The following UIMC1 variants were observed in gnomAD, a reference collection of about 807,000 sequenced individuals.
The protein encoded by UIMC1 is BRCA1-A complex subunit RAP80.
In UIMC1, 42 loss-of-function variants were observed where a neutral mutation model predicts 84.9. The observed-to-expected ratio is 0.49, with a 90% CI of 0.39 to 0.64. UIMC1 has a LOEUF of 0.64. UIMC1 is among the 30% of genes least tolerant of loss of function. UIMC1 has a pLI of 0.00. For synonymous variants in UIMC1, 281 were observed against 293.0 expected, an observed-to-expected ratio of 0.96 and a Z score of 0.42; for missense variants, 825 against 847.6, an observed-to-expected ratio of 0.97 and a Z score of 0.33.
In UIMC1 at chr5:176,943,061, AAACAAACAG is replaced by A. The variant is rs747363858; in HGVS notation, c.1597+265_1597+273del. Among the ~76,000 whole-genome samples, 613 of 130,456 alleles carry A rather than the reference AAACAAACAG, an allele frequency of 4.7e-3. 6 individuals carry two copies. The highest frequency in any genetic ancestry group is 0.023 in the African/African-American group (587 of 25,616). 85.6% of individuals were successfully genotyped at this position (130,456 alleles called of 152,430 possible). A position where few individuals can be genotyped will look rare whatever the true frequency, so the allele number is the denominator to read the frequency against. ...TGGGTGACAGAGACTCTGGCTCAAA[AAACAAACAG>A]AACAAACAAACAAACAAAAACATTA... On this transcript the variant is annotated intron_variant, in intron 10 of 14. Transcript: ENST00000511320.
rs1253133606 is a variant in UIMC1, at chr5:176,983,574, G to A, written c.-8-951C>T. Reference sequence around the variant, plus strand: ...GGCTGGAGTGCAGTGGCATGATCTCGGCTCGCTACAACCTCCACCTCCCAG... The same window carrying A: ...GGCTGGAGTGCAGTGGCATGATCTCAGCTCGCTACAACCTCCACCTCCCAG... On this transcript the variant is annotated intron_variant, in intron 1 of 14. Transcript: ENST00000511320. 3.9e-5 allele frequency among the ~76,000 whole-genome samples: 6 copies of A among 152,106 alleles called. No individual in the cohort carries two copies. The East Asian group carries it at 7.7e-4, about 20-fold the overall frequency.
At chr5:176,986,329 C>T (rs569184070) in intron 1 of UIMC1, among the ~76,000 whole-genome samples, 8 of 134,688 alleles carry the variant, frequency 5.9e-5, no homozygotes, top group Non-Finnish European at 1.1e-4. Context: ...CACTGCACTC[C>T]GGCCTGGGTG....
intron 1 of UIMC1, among the ~76,000 whole-genome samples, chr5:177,002,791 G>A (rs571955402): frequency 6.6e-6 from 1 of 151,576 alleles, no homozygotes; most frequent in Non-Finnish European, 1.5e-5. Context: ...ACGAGACTCT[G>A]TCTCAAAAAT....
chr5:176,993,746 G>A lies in UIMC1; in HGVS notation c.-8-11123C>T, dbSNP rs148991509. 9.1e-3 allele frequency among the ~76,000 whole-genome samples: 1,391 copies of A among 152,164 alleles called. 8 individuals are homozygous for A. Among genetic ancestry groups the A allele is most frequent in the South Asian group, 0.025 (121 of 4,824 alleles). On this transcript the variant is annotated intron_variant, in intron 1 of 14. Transcript: ENST00000511320. Reference sequence around the variant, plus strand: ...AAATCTGCCAGGCGCGGTGGCTCACGCCTGTAATCCCACCACATTGGGAGG... The same window carrying A: ...AAATCTGCCAGGCGCGGTGGCTCACACCTGTAATCCCACCACATTGGGAGG...
chr5:176,977,755 C>T (rs192767297), intron 2 of UIMC1, among the ~76,000 whole-genome samples: 10 of 151,676 alleles, frequency 6.6e-5, no homozygotes, highest in African/African-American at 2.4e-4. Flanking sequence ...ACTAAAAATA[C>T]AAAAATTGCG....
At chr5:177,021,139 G>A (rs1775799959) in intron 1 of UIMC1, among the ~76,000 whole-genome samples, 1 of 152,080 alleles carries the variant, frequency 6.6e-6, no homozygotes, top group African/African-American at 2.4e-5. Flanking sequence ...TTAGCTGGGT[G>A]CCGTGGCATG....
At chr5:176,984,171 G>A (rs60630352) in intron 1 of UIMC1, among the ~76,000 whole-genome samples, 1,873 of 124,004 alleles carry the variant, frequency 0.015, 95 homozygotes, top group African/African-American at 0.057. Flanking sequence ...AGTGAGGAGC[G>A]CCTCTGCCCG....
At chr5:176,970,492 A>G (rs755308531) in intron 4 of UIMC1, 6 of 501,788 alleles carry the variant, frequency 1.2e-5, no homozygotes, top group African/African-American at 1.9e-5. Flanking sequence ...TCAACTTATG[A>G]TAATTCTTTC....
Position 176,975,457 on chromosome 5 carries a change from C to G in UIMC1, c.171G>C (p.Leu57Phe). 1 of 1,614,018 alleles carries G rather than the reference C, an allele frequency of 6.2e-7. No homozygotes were observed. Among genetic ancestry groups the G allele is most frequent in the Non-Finnish European group, 8.5e-7 (1 of 1,179,986 alleles). The change falls in exon 3 of 15, where the codon TTG becomes TTC. Residue 57 changes from leucine (L) to phenylalanine (F), a missense_variant. Transcript: ENST00000511320. The part of the protein sequence containing the change: ...DGEEPKEENG[L>F]QKTKTKQSNR... ...TCGACTGTTTTGTCTTCGTTTTCTG[C>G]AACCCATTTTCCTCCTTTGGTTCCT... is the stretch of plus-strand genomic sequence containing the variant.
intron 10 of UIMC1, among the ~76,000 whole-genome samples, chr5:176,917,017 T>C (rs1297044425): frequency 6.6e-6 from 1 of 152,170 alleles, no homozygotes; most frequent in East Asian, 1.9e-4. Context: ...GAAGGGAGTT[T>C]TTACAGAATG....
At chr5:176,924,658 A>G (rs1457136363) in intron 10 of UIMC1, among the ~76,000 whole-genome samples, 1 of 152,198 alleles carries the variant, frequency 6.6e-6, no homozygotes, top group Non-Finnish European at 1.5e-5. Flanking sequence ...AAGATGTACC[A>G]TATACCTAAA....
intron 2 of UIMC1, among the ~76,000 whole-genome samples, chr5:176,977,894 G>A (rs887541875): frequency 6.6e-6 from 1 of 151,814 alleles, no homozygotes; most frequent in African/African-American, 2.4e-5. Context: ...TTGGGCAACA[G>A]AGCGAGACTC....
intron 10 of UIMC1, among the ~76,000 whole-genome samples, chr5:176,921,571 T>G (rs1158542781): frequency 6.6e-6 from 1 of 152,230 alleles, no homozygotes; most frequent in African/African-American, 2.4e-5. Context: ...ACCCAGTTGC[T>G]TGGGGCAAAA....
intron 1 of UIMC1, among the ~76,000 whole-genome samples, chr5:177,003,403 C>G (rs1467978740): frequency 1.3e-5 from 2 of 152,106 alleles, no homozygotes; most frequent in Non-Finnish European, 2.9e-5. Flanking sequence ...GCCTGTAATC[C>G]CAGCACTCTG....
intron 10 of UIMC1, among the ~76,000 whole-genome samples, chr5:176,922,276 CTAAA>C (rs1252145980): frequency 1.3e-5 from 2 of 152,182 alleles, no homozygotes; most frequent in African/African-American, 4.8e-5. Context: ...ATAGTTGCTG[CTAAA>C]TAAATACCAA....
At chr5:176,966,146 T>C (rs557662168) in intron 6 of UIMC1, among the ~76,000 whole-genome samples, 14 of 152,248 alleles carry the variant, frequency 9.2e-5, no homozygotes, top group African/African-American at 3.4e-4. Context: ...AGATGGTTAC[T>C]AGGAAATAAT....
chr5:177,021,900 C>T (rs11953914), intron 1 of UIMC1, among the ~76,000 whole-genome samples: 8 of 152,184 alleles, frequency 5.3e-5, no homozygotes, highest in South Asian at 2.1e-4. Flanking sequence ...ATCCGCCCCC[C>T]CTTAGCCTCC....
At position 176,955,500 on chromosome 5, in the gene UIMC1, G is replaced by A. The variant is rs547600573; in HGVS notation, c.1339+459C>T. Among the ~76,000 whole-genome samples, 8 of 152,270 alleles carry A rather than the reference G, an allele frequency of 5.3e-5. No homozygotes were observed. In the South Asian group the frequency reaches 1.5e-3, roughly 28 times the overall value. On this transcript the variant is annotated intron_variant, in intron 8 of 14. Coordinates refer to ENST00000511320, the MANE Select transcript of UIMC1 (RefSeq NM_001199298.2). ...TAATCCTAGCACTTTGGGAGGCCAA[G>A]GAGGGAGAACTTAAGCCCCGAAGTT...
intron 2 of UIMC1, among the ~76,000 whole-genome samples, chr5:176,978,632 G>C (rs964604931): frequency 5.7e-4 from 86 of 151,768 alleles, no homozygotes; most frequent in African/African-American, 1.9e-3. Context: ...ATAATATATT[G>C]AGAAAAAAAT....
Sources: allele counts gnomAD v4.1 joint callset (sites outside exome capture counted in the v4.1 genomes callset), GRCh38; gene constraint gnomAD v4.1.1; transcripts MANE v1.5; gene names NCBI Gene and HGNC (gene_info 2026-07-23, HGNC 2026-07-21).